TOM1: variants seen among roughly 807,000 people sequenced by gnomAD.
TOM1 encodes the protein target of myb1 membrane trafficking protein, also known as target of Myb protein 1.
In TOM1, 38 loss-of-function variants were observed where a neutral mutation model predicts 61.3. That is an observed-to-expected ratio of 0.62 (90% CI 0.48 to 0.81). The LOEUF is 0.81. Among genes scored for constraint, TOM1 ranks in the 40% least tolerant of loss-of-function variants. TOM1 has a pLI of 0.00. For synonymous variants in TOM1, 270 were observed against 268.8 expected, an observed-to-expected ratio of 1.00 and a Z score of -0.04; for missense variants, 591 against 659.6, an observed-to-expected ratio of 0.90 and a Z score of 1.14.
At chr22:35,344,121 C>T (rs1930292787) in intron 12 of TOM1, 1 of 152,372 alleles carries the variant, frequency 6.6e-6, no homozygotes, top group African/African-American at 2.4e-5. Context: ...CCGAAAGGCG[C>T]ACCCCTGTTA....
At chr22:35,317,813 C>G in intron 1 of TOM1, 64 bp from the exon 2 acceptor site, 1 of 1,286,012 alleles carries the variant, frequency 7.8e-7, no homozygotes, top group Non-Finnish European at 1.1e-6. Context: ...CCTCTCCCAC[C>G]CACGGTTTGA....
chr22:35,328,346 C>T (rs973880503), intron 7 of TOM1, among the ~76,000 whole-genome samples: 2 of 152,172 alleles, frequency 1.3e-5, no homozygotes, highest in Non-Finnish European at 2.9e-5. Flanking sequence ...GAAGGCTGAG[C>T]AAGGTGGATG....
chr22:35,310,811 G>C (rs1041321080), intron 1 of TOM1, among the ~76,000 whole-genome samples: 1 of 152,184 alleles, frequency 6.6e-6, no homozygotes, highest in African/African-American at 2.4e-5. Flanking sequence ...CCCTTAAAGA[G>C]CTCACAGACT....
At position 35,323,400 on chromosome 22, in the gene TOM1, AG is replaced by A; in HGVS notation, c.367-95del. On this transcript the variant is annotated intron_variant, in intron 4 of 14. Coordinates refer to ENST00000449058, the MANE Select transcript of TOM1 (RefSeq NM_005488.3). The surrounding 1 kb of genome is among the most constrained non-coding windows in gnomAD (Gnocchi z 4.2). ...CAGATGTAGTTAAAAAAAAAAAAAA[AG>A]CAGGGAAAGAATGTCTGTTCTCTGT... The A allele has an allele frequency of 6.9e-7, 1 of 1,454,522 alleles. No homozygotes were observed. Among genetic ancestry groups the A allele is most frequent in the Non-Finnish European group, 9.3e-7 (1 of 1,080,924 alleles). The allele number at this position is 1,454,522 out of a possible 1,614,324, so 90.1% of individuals were successfully genotyped here.
chr22:35,346,842 G>T lies in TOM1; in HGVS notation c.1285-88G>T, dbSNP rs144666866. 2.8e-4 allele frequency: 365 copies of T among 1,294,702 alleles called. 1 individual carries two copies. In the African/African-American group the frequency reaches 4.8e-3, roughly 17 times the overall value. 80.2% of individuals were successfully genotyped at this position (1,294,702 alleles called of 1,614,324 possible). A position where few individuals can be genotyped will look rare whatever the true frequency, so the allele number is the denominator to read the frequency against. ...AGCTGGGACCCAGTGCTGAGGTTCA[G>T]CGGGGCCCGAGCTGCAGCACCACTG... On this transcript the variant is annotated intron_variant, in intron 13 of 14. Transcript: ENST00000449058.
intron 8 of TOM1, among the ~76,000 whole-genome samples, chr22:35,330,711 G>A (rs528160344): frequency 1.3e-5 from 2 of 152,286 alleles, no homozygotes; most frequent in Admixed American, 6.5e-5. Context: ...TGCTGCCTGT[G>A]CCCAAGTCCA....
chr22:35,332,995 G>A lies in TOM1; in HGVS notation c.914G>A (p.Arg305Gln), dbSNP rs749192174. The change falls in exon 9 of 15, where the codon CGA becomes CAA. Residue 305 changes from arginine to glutamine, a missense_variant. By Grantham distance (43) the Arg-to-Gln change is conservative. Coordinates refer to ENST00000449058, the MANE Select transcript of TOM1 (RefSeq NM_005488.3). ...CTGTCTTGTAGGTTTGAACGGTTCC[G>A]AACAGGCCAGACCACCAAGGTAAAA... ...FLRHERFERF[R>Q]TGQTTKAPSE... is the part of the protein sequence containing the mutation. The A allele has an allele frequency of 9.3e-6, 15 of 1,614,036 alleles. No homozygotes were observed. Among genetic ancestry groups the A allele is most frequent in the East Asian group, 2.2e-5 (1 of 44,896 alleles).
intron 10 of TOM1, among the ~76,000 whole-genome samples, chr22:35,334,060 C>T (rs1434232856): frequency 1.3e-5 from 2 of 152,234 alleles, no homozygotes; most frequent in Non-Finnish European, 2.9e-5. Context: ...TGCCCAGCCA[C>T]TTCCCCAGCA....
intron 7 of TOM1, 50 bp from the exon 8 acceptor site, chr22:35,330,297 C>G: frequency 6.4e-7 from 1 of 1,551,970 alleles, no homozygotes; most frequent in Non-Finnish European, 8.7e-7. Flanking sequence ...AAAGAGACGG[C>G]CTCACTCTGA....
intron 1 of TOM1, among the ~76,000 whole-genome samples, chr22:35,311,684 G>A (rs1390495789): frequency 1.3e-5 from 2 of 152,232 alleles, no homozygotes; most frequent in African/African-American, 4.8e-5. Context: ...AGAGCAGAGT[G>A]GAGAGCACAC....
intron 2 of TOM1, 59 bp from the exon 3 acceptor site, chr22:35,321,900 T>C: frequency 7.0e-7 from 1 of 1,422,370 alleles, no homozygotes; most frequent in Non-Finnish European, 9.9e-7. Flanking sequence ...CTCCAGGGTC[T>C]CTGGTGTTAG....
intron 1 of TOM1, among the ~76,000 whole-genome samples, chr22:35,311,280 G>A (rs537856594): frequency 1.3e-5 from 2 of 152,192 alleles, no homozygotes; most frequent in African/African-American, 4.8e-5. Context: ...ACTCCTTAAA[G>A]AGGAATATTA....
chr22:35,308,464 T>C (rs958325132), intron 1 of TOM1, among the ~76,000 whole-genome samples: 2 of 151,906 alleles, frequency 1.3e-5, no homozygotes, highest in Non-Finnish European at 2.9e-5. Context: ...TTATATTTTT[T>C]GTAGAGGCAG....
chr22:35,304,378 C>T (rs2145604128), intron 1 of TOM1, among the ~76,000 whole-genome samples: 2 of 152,332 alleles, frequency 1.3e-5, no homozygotes, highest in Middle Eastern at 3.4e-3. Context: ...ATTCCAGATC[C>T]TTTGTACCAG....
In TOM1 at chr22:35,328,173, G is replaced by A. The variant is rs190385894; in HGVS notation, c.765+786G>A. The stretch of plus-strand genomic sequence containing the variant: ...GCCTGACCGAGCTGACTCTGCAGGG[G>A]TCCTCACTTGGTGGTGCAGGGTGGG... On this transcript the variant is annotated intron_variant, in intron 7 of 14. Transcript: ENST00000449058. Among the ~76,000 whole-genome samples, 339 of 152,298 alleles carry A rather than the reference G, an allele frequency of 2.2e-3. 1 individual carries two copies. Among genetic ancestry groups the A allele is most frequent in the African/African-American group, 7.8e-3 (325 of 41,556 alleles).
intron 13 of TOM1, among the ~76,000 whole-genome samples, chr22:35,346,352 C>T (rs1005109871): frequency 6.6e-6 from 1 of 152,260 alleles, no homozygotes; most frequent in Non-Finnish European, 1.5e-5. Flanking sequence ...GCACCAAGGC[C>T]CACATGGGCA....
At chr22:35,340,240 G>A (rs534234406) in intron 12 of TOM1, among the ~76,000 whole-genome samples, 1 of 152,332 alleles carries the variant, frequency 6.6e-6, no homozygotes, top group Non-Finnish European at 1.5e-5. Flanking sequence ...GGCCGAGGAG[G>A]CTAGAGGAGG....
At chr22:35,318,185 C>T (rs1927474806) in intron 2 of TOM1, 1 of 579,678 alleles carries the variant, frequency 1.7e-6, no homozygotes, top group Non-Finnish European at 3.1e-6. Flanking sequence ...CCCCACCCCG[C>T]CTCTCTTAGT....
At chr22:35,301,822 C>A (rs1298720736) in intron 1 of TOM1, among the ~76,000 whole-genome samples, 1 of 152,140 alleles carries the variant, frequency 6.6e-6, no homozygotes, top group Non-Finnish European at 1.5e-5. Context: ...GGACACACAC[C>A]CACCCCACAG....
Sources: gnomAD v4.1 joint callset for allele counts (sites outside exome capture counted in the v4.1 genomes callset) on GRCh38, gnomAD v4.1.1 for gene constraint, Gnocchi (gnomAD v3.1) non-coding constraint, MANE v1.5 for transcripts, NCBI Gene and HGNC (gene_info 2026-07-23, HGNC 2026-07-21) for gene names.